ZNF362: variants seen among roughly 807,000 people sequenced by gnomAD.
The protein encoded by ZNF362 is zinc finger protein 362.
A neutral mutation model predicts 42.9 loss-of-function variants in ZNF362; 11 were observed. That is an observed-to-expected ratio of 0.26 (90% CI 0.16 to 0.42). The LOEUF (loss-of-function observed/expected upper bound fraction) is 0.42, where lower values mean the gene tolerates loss of function less well. Ranked by LOEUF, ZNF362 falls within the 20% of genes least tolerant of loss-of-function variation. The probability of loss-of-function intolerance (pLI) is 1.00; values close to 1 mark genes in which losing one functional copy is unlikely to be tolerated. For missense variants in ZNF362, 362 were observed against 576.2 expected, an observed-to-expected ratio of 0.63 and a Z score of 3.81; for synonymous variants, 255 against 257.3, an observed-to-expected ratio of 0.99 and a Z score of 0.09.
the ZNF362 span, among the ~76,000 whole-genome samples, chr1:33,207,286 T>C: frequency 3.3e-5 from 5 of 152,350 alleles, no homozygotes; most frequent in Admixed American, 2.6e-4. Context: ...GAACTCATAC[T>C]TTTTTATAGC....
upstream of ZNF362, among the ~76,000 whole-genome samples, chr1:33,253,161 G>A (rs1645770085): frequency 6.7e-6 from 1 of 149,618 alleles, no homozygotes; most frequent in South Asian, 2.2e-4. Flanking sequence ...AGAGGGAACA[G>A]CATGAGCAGA....
the ZNF362 span, chr1:33,145,799 G>T: frequency 2.1e-6 from 1 of 466,314 alleles, no homozygotes; most frequent in Non-Finnish European, 4.5e-6. Flanking sequence ...AGTTCTTCAC[G>T]ATTGGATGCT....
chr1:33,202,874 G>T, the ZNF362 span, among the ~76,000 whole-genome samples: 1 of 151,870 alleles, frequency 6.6e-6, no homozygotes, highest in Non-Finnish European at 1.5e-5. Context: ...TATATTTAAG[G>T]TATATAAATA....
chr1:33,182,543 G>A, the ZNF362 span, among the ~76,000 whole-genome samples: 9 of 151,956 alleles, frequency 5.9e-5, no homozygotes, highest in African/African-American at 2.2e-4. Flanking sequence ...GAAAGCCCTG[G>A]CTAACATCTG....
chr1:33,184,255 C>A, the ZNF362 span, among the ~76,000 whole-genome samples: 2 of 152,176 alleles, frequency 1.3e-5, no homozygotes, highest in Non-Finnish European at 2.9e-5. Flanking sequence ...TATTGGATTT[C>A]AGTCCCAAAG....
the ZNF362 span, among the ~76,000 whole-genome samples, chr1:33,136,105 G>A: frequency 0.015 from 2,253 of 146,278 alleles, 39 homozygotes; most frequent in African/African-American, 0.049. Flanking sequence ...CTCCAGCCCA[G>A]GGGCCAGCCC....
chr1:33,255,660 G>C (rs538135189), upstream of ZNF362, among the ~76,000 whole-genome samples: 1,249 of 152,302 alleles, frequency 8.2e-3, 16 homozygotes, highest in African/African-American at 0.029. Flanking sequence ...GACTCTGCGA[G>C]AGGAGCCACT....
At chr1:33,221,209 G>A in the ZNF362 span, among the ~76,000 whole-genome samples, 5 of 151,552 alleles carry the variant, frequency 3.3e-5, no homozygotes, top group South Asian at 2.1e-4. Flanking sequence ...CAATCCCTCC[G>A]GAATGTAAGA....
chr1:33,146,957 T>C, the ZNF362 span: 1 of 590,996 alleles, frequency 1.7e-6, no homozygotes, highest in Non-Finnish European at 3.0e-6. Flanking sequence ...ATCAAAGCTG[T>C]ATCCCTATCA....
the ZNF362 span, among the ~76,000 whole-genome samples, chr1:33,180,681 C>T: frequency 6.6e-6 from 1 of 152,226 alleles, no homozygotes; most frequent in Non-Finnish European, 1.5e-5. Context: ...GTCCACAACC[C>T]TGCCCCAGCC....
the ZNF362 span, among the ~76,000 whole-genome samples, chr1:33,229,799 C>T: frequency 3.2e-4 from 49 of 152,246 alleles, no homozygotes; most frequent in African/African-American, 1.1e-3. Context: ...TCCCCTTTAG[C>T]GATTACAATT....
upstream of ZNF362, among the ~76,000 whole-genome samples, chr1:33,255,437 G>T (rs1645780247): frequency 6.6e-6 from 1 of 151,734 alleles, no homozygotes; most frequent in African/African-American, 2.4e-5. Context: ...CGGTCGGGGG[G>T]TGGTGGATGC....
chr1:33,158,122 A>AACAC, the ZNF362 span: 1 of 736,582 alleles, frequency 1.4e-6, no homozygotes, highest in Non-Finnish European at 2.3e-6. Flanking sequence ...CAGGTCCTGG[A>AACAC]ACACACTAGG....
chr1:33,185,913 T>C, the ZNF362 span, among the ~76,000 whole-genome samples: 27 of 152,328 alleles, frequency 1.8e-4, no homozygotes, highest in African/African-American at 6.5e-4. Context: ...TAGAACTATA[T>C]TCTAATTGTG....
At chr1:33,182,600 T>TTGTGTGTGTG in the ZNF362 span, among the ~76,000 whole-genome samples, 696 of 147,082 alleles carry the variant, frequency 4.7e-3, 4 homozygotes, top group African/African-American at 0.016. Context: ...AGTGCTGTAT[T>TTGTGTGTGTG]TGTGTGTGTG....
chr1:33,243,581 C>A, the ZNF362 span, among the ~76,000 whole-genome samples: 2 of 151,282 alleles, frequency 1.3e-5, no homozygotes, highest in African/African-American at 4.9e-5. Context: ...TGTTTTCCTT[C>A]GACTTTTATG....
chr1:33,270,414 T>G (rs926272069), intron 1 of ZNF362, 73 bp from the exon 2 acceptor site: 23 of 594,216 alleles, frequency 3.9e-5, no homozygotes, highest in African/African-American at 3.8e-4. Context: ...ACATAGATGT[T>G]GAAATCAATG....
At chr1:33,287,334 A>G (rs1646040050) in intron 6 of ZNF362, among the ~76,000 whole-genome samples, 1 of 152,192 alleles carries the variant, frequency 6.6e-6, no homozygotes, top group African/African-American at 2.4e-5. Context: ...AGAAAATTAA[A>G]AAGTTAGCCG....
At chr1:33,151,078 A>G in the ZNF362 span, among the ~76,000 whole-genome samples, 3 of 152,048 alleles carry the variant, frequency 2.0e-5, no homozygotes, top group Non-Finnish European at 4.4e-5. Context: ...TATGTAGGAC[A>G]ATGTGAGCCA....
Sources: gnomAD v4.1 joint callset for allele counts (sites outside exome capture counted in the v4.1 genomes callset) on GRCh38, gnomAD v4.1.1 for gene constraint, MANE v1.5 for transcripts, NCBI Gene and HGNC (gene_info 2026-07-23, HGNC 2026-07-21) for gene names.